Variants in RAPGEF1 observed in about 807,000 individuals in gnomAD.
RAPGEF1 encodes the protein CRK SH3-binding GNRP.
A neutral mutation model predicts 143.3 loss-of-function variants in RAPGEF1; 33 were observed. The ratio of observed to expected loss-of-function variants is 0.23; its 90% CI spans 0.17 to 0.31. The LOEUF is 0.31. Ranked by LOEUF, RAPGEF1 falls within the 10% of genes least tolerant of loss-of-function variation. The pLI, the probability that RAPGEF1 is intolerant of heterozygous loss-of-function variation, is 1.00. For synonymous variants in RAPGEF1, 629 were observed against 676.5 expected (o/e 0.93, Z 1.09); for missense variants, 1,199 against 1,645.4 (o/e 0.73, Z 4.69).
chr9:131,616,752 C>G (rs894381678), intron 12 of RAPGEF1, among the ~76,000 whole-genome samples: 3 of 152,136 alleles, frequency 2.0e-5, no homozygotes, highest in Non-Finnish European at 4.4e-5. Flanking sequence ...TGAAGAAAGT[C>G]AGGAATAAAG....
chr9:131,661,226 C>T (rs1327342846), intron 1 of RAPGEF1, among the ~76,000 whole-genome samples: 1 of 152,246 alleles, frequency 6.6e-6, no homozygotes, highest in Non-Finnish European at 1.5e-5. Context: ...TGCCTGTCGA[C>T]AGCAGGACGG....
intron 4 of RAPGEF1, among the ~76,000 whole-genome samples, chr9:131,639,737 A>G (rs916850682): frequency 2.0e-5 from 3 of 152,196 alleles, no homozygotes; most frequent in Admixed American, 1.3e-4. Flanking sequence ...AAACAAAAAA[A>G]CACCCCAAAA....
chr9:131,639,788 A>C (rs1967332874), intron 4 of RAPGEF1, among the ~76,000 whole-genome samples: 1 of 152,224 alleles, frequency 6.6e-6, no homozygotes, highest in Non-Finnish European at 1.5e-5. Flanking sequence ...TTTGAGGAAA[A>C]TATATAATAT....
Position 131,661,413 on chromosome 9 carries a change from T to C in RAPGEF1, c.62-10464A>G, listed in dbSNP as rs189183747. Among the ~76,000 whole-genome samples the C allele has an allele frequency of 3.0e-3, 456 of 152,212 alleles. 2 individuals carry two copies. Among genetic ancestry groups the C allele is most frequent in the African/African-American group, 0.01 (429 of 41,520 alleles). On this transcript the variant is annotated intron_variant, in intron 1 of 26. Coordinates refer to ENST00000683357, the MANE Select transcript of RAPGEF1 (RefSeq NM_001377935.1). ...ATTATTTGGGGATTCAAGATAGTGGTTATGCTCGGGGAGTGGGGGGTGGTT... is the reference window on the plus strand; with the variant it reads ...ATTATTTGGGGATTCAAGATAGTGGCTATGCTCGGGGAGTGGGGGGTGGTT...
At chr9:131,705,942 T>C (rs1387585984) in intron 1 of RAPGEF1, among the ~76,000 whole-genome samples, 4 of 152,206 alleles carry the variant, frequency 2.6e-5, no homozygotes, top group Non-Finnish European at 5.9e-5. Context: ...GATAACAGTT[T>C]CCTTTAAATT....
At chr9:131,587,644 T>C in intron 22 of RAPGEF1, 92 bp downstream of exon 22, 1 of 1,182,262 alleles carries the variant, frequency 8.5e-7, no homozygotes, top group Non-Finnish European at 1.2e-6. Flanking sequence ...CTCCTTCTCC[T>C]ACCATTCAAG....
chr9:131,715,264 C>T (rs1414988367), intron 1 of RAPGEF1, among the ~76,000 whole-genome samples: 1 of 152,064 alleles, frequency 6.6e-6, no homozygotes, highest in Non-Finnish European at 1.5e-5. Context: ...GTGATCAGTG[C>T]TAAATTCAGG....
rs1042261594 is a variant in RAPGEF1 at position 131,626,321 on chromosome 9, A to G, written c.1303T>C (p.Leu435=). 8.7e-6 allele frequency: 14 copies of G among 1,613,990 alleles called. No individual in the cohort carries two copies. The highest frequency in any genetic ancestry group is 2.7e-5 in the African/African-American group (2 of 75,018). ...AGAAATGGAGACCCAGACTCCCCCA[A>G]AGACTCTGGCAACGGGCTAAGGTTC... ...AWNLSPLPES[L]GESGSPFLGP... The change falls in exon 10 of 27, where the codon TTG becomes CTG. Residue 435 remains leucine, a synonymous_variant. Transcript: ENST00000683357.
chr9:131,619,621 G>A (rs1410379520), intron 11 of RAPGEF1, among the ~76,000 whole-genome samples: 2 of 152,142 alleles, frequency 1.3e-5, no homozygotes, highest in Non-Finnish European at 2.9e-5. Flanking sequence ...TTTCTCACCC[G>A]TTTGGCCTTG....
At chr9:131,682,758 T>A (rs1004304099) in intron 1 of RAPGEF1, among the ~76,000 whole-genome samples, 8 of 152,112 alleles carry the variant, frequency 5.3e-5, no homozygotes, top group Non-Finnish European at 8.8e-5. Context: ...TAAGTCAAAT[T>A]ACTGATAAAC....
In RAPGEF1 at chr9:131,634,713, CAAAAAAAAAAA is replaced by C. The variant is rs35405559; in HGVS notation, c.651+3911_651+3921del. On this transcript the variant is annotated intron_variant, in intron 5 of 26. Coordinates refer to ENST00000683357, the MANE Select transcript of RAPGEF1 (RefSeq NM_001377935.1). ...GGGCAACAAGAGTGAGACTCCGTCT[CAAAAAAAAAAA>C]AAAAAAAAAAAAAAAGAAAATGATC... Among the ~76,000 whole-genome samples, 438 of 61,230 alleles carry C rather than the reference CAAAAAAAAAAA, an allele frequency of 7.2e-3. 4 individuals carry two copies. Among genetic ancestry groups the C allele is most frequent in the African/African-American group, 0.033 (418 of 12,824 alleles). The allele number at this position is 61,230 out of a possible 152,430, so 40.2% of individuals were successfully genotyped here.
intron 22 of RAPGEF1, among the ~76,000 whole-genome samples, chr9:131,586,668 A>C (rs4740288): frequency 0.75 from 61,433 of 82,310 alleles, 25,552 homozygotes; most frequent in Non-Finnish European, 0.79. Context: ...ACACACACAC[A>C]CCCCTGCAGA....
intron 1 of RAPGEF1, among the ~76,000 whole-genome samples, chr9:131,723,522 C>T (rs1221764915): frequency 3.9e-5 from 6 of 152,242 alleles, no homozygotes; most frequent in Non-Finnish European, 8.8e-5. Flanking sequence ...CTAGTGGAAT[C>T]ATATGGTACT....
intron 1 of RAPGEF1, among the ~76,000 whole-genome samples, chr9:131,696,678 A>T (rs532836910): frequency 3.4e-4 from 52 of 152,372 alleles, no homozygotes; most frequent in African/African-American, 1.2e-3. Context: ...TCATAACCTG[A>T]ACAGAAAGAT....
chr9:131,640,866 A>G (rs966008285), intron 4 of RAPGEF1, among the ~76,000 whole-genome samples: 5 of 152,158 alleles, frequency 3.3e-5, no homozygotes, highest in Non-Finnish European at 7.4e-5. Flanking sequence ...GGTATTTCCA[A>G]TCACTGTGGG....
chr9:131,671,314 C>T (rs982988180), intron 1 of RAPGEF1, among the ~76,000 whole-genome samples: 9 of 152,366 alleles, frequency 5.9e-5, no homozygotes, highest in African/African-American at 2.2e-4. Context: ...CATCTCAGCC[C>T]GCCAGGGAGG....
chr9:131,586,443 A>C (rs866025550), intron 22 of RAPGEF1, among the ~76,000 whole-genome samples: 26 of 15,202 alleles, frequency 1.7e-3, no homozygotes, highest in South Asian at 5.1e-3. Context: ...CTCCGTCTCA[A>C]ACACACACAC....
intron 1 of RAPGEF1, 79 bp from the exon 2 acceptor site, chr9:131,651,028 A>G: frequency 2.0e-6 from 3 of 1,501,678 alleles, no homozygotes; most frequent in South Asian, 1.2e-5. Flanking sequence ...GGAAATGAGC[A>G]ATGTCCCCAA....
chr9:131,638,963 A>G (rs1397810604), intron 4 of RAPGEF1, among the ~76,000 whole-genome samples, 172 bp from the exon 5 acceptor site: 2 of 152,182 alleles, frequency 1.3e-5, no homozygotes, highest in African/African-American at 4.8e-5. Flanking sequence ...TACATCCAAC[A>G]AAGATTTTGT....
Sources: gnomAD v4.1 joint callset for allele counts (sites outside exome capture counted in the v4.1 genomes callset) on GRCh38, gnomAD v4.1.1 for gene constraint, MANE v1.5 for transcripts, NCBI Gene and HGNC (gene_info 2026-07-23, HGNC 2026-07-21) for gene names.